Variants in PCDH15 observed in about 807,000 individuals in gnomAD.
PCDH15 encodes protocadherin-15.
PCDH15 carries 129 observed loss-of-function variants against 178.5 expected under a neutral mutation model. The observed-to-expected ratio is 0.72, with a 90% CI of 0.63 to 0.84. The LOEUF is 0.84. PCDH15 is among the 40% of genes least tolerant of loss of function. The pLI is 0.00. For synonymous variants in PCDH15, 800 were observed against 732.0 expected, an observed-to-expected ratio of 1.09 and a Z score of -1.50; for missense variants, 2,230 against 2,099.9, an observed-to-expected ratio of 1.06 and a Z score of -1.21.
intron 5 of PCDH15, among the ~76,000 whole-genome samples, chr10:54,347,817 C>T (rs1943548115): frequency 6.6e-6 from 1 of 152,006 alleles, no homozygotes; most frequent in South Asian, 2.1e-4. Flanking sequence ...TATAAAATAT[C>T]TTGATGCTAA....
Position 53,974,052 on chromosome 10 carries a change from C to T in PCDH15, c.2869-12160G>A, listed in dbSNP as rs972796271. Among the ~76,000 whole-genome samples the T allele has an allele frequency of 4.6e-5, 7 of 152,160 alleles. No individual in the cohort carries two copies. In the East Asian group the frequency reaches 9.6e-4, roughly 21 times the overall value. Reference sequence around the variant, plus strand: ...ATTTTTCTTGAGACAGAGTTTCACTCTGTCGTCCGGGCTGGAAGGCAGTGG... The same window carrying T: ...ATTTTTCTTGAGACAGAGTTTCACTTTGTCGTCCGGGCTGGAAGGCAGTGG... On this transcript the variant is annotated intron_variant, in intron 21 of 37. Coordinates refer to ENST00000644397, the MANE Select transcript of PCDH15 (RefSeq NM_001384140.1).
intron 1 of PCDH15, among the ~76,000 whole-genome samples, chr10:54,688,806 T>C (rs1388239437): frequency 6.6e-6 from 1 of 152,242 alleles, no homozygotes; most frequent in South Asian, 2.1e-4. Flanking sequence ...GTAAAATTCA[T>C]GAGGAAAATT....
At chr10:54,920,095 G>T (rs528123233) in intron 2 of PCDH15, among the ~76,000 whole-genome samples, 15 of 151,988 alleles carry the variant, frequency 9.9e-5, no homozygotes, top group African/African-American at 3.6e-4. Context: ...AATAATTTAC[G>T]TATCCATACT....
intron 20 of PCDH15, among the ~76,000 whole-genome samples, chr10:54,015,873 T>G (rs1045709505): frequency 5.3e-5 from 4 of 75,660 alleles, no homozygotes; most frequent in Non-Finnish European, 1.2e-4. Context: ...CAAAAGCAAT[T>G]TTAACAACAG....
At chr10:54,526,418 T>A (rs2083368611) in intron 3 of PCDH15, among the ~76,000 whole-genome samples, 9 of 152,224 alleles carry the variant, frequency 5.9e-5, no homozygotes, top group Admixed American at 5.9e-4. Context: ...GGTTAACTGT[T>A]TTCACTGTGG....
chr10:53,831,711 G>A (rs888977990), intron 29 of PCDH15, among the ~76,000 whole-genome samples, 178 bp from the exon 30 acceptor site: 2 of 151,588 alleles, frequency 1.3e-5, no homozygotes, highest in African/African-American at 4.8e-5. Context: ...AAGAAGAGGA[G>A]TAATTACACA....
chr10:54,778,558 T>C (rs1949949605), intron 1 of PCDH15, among the ~76,000 whole-genome samples: 1 of 152,150 alleles, frequency 6.6e-6, no homozygotes, highest in South Asian at 2.1e-4. Flanking sequence ...ATTTACACTT[T>C]TGTTTCTGGT....
At chr10:55,565,875 C>T (rs909363865) in intron 2 of PCDH15, among the ~76,000 whole-genome samples, 2 of 151,610 alleles carry the variant, frequency 1.3e-5, no homozygotes, top group Admixed American at 1.3e-4. Flanking sequence ...AAGCCCTGGA[C>T]CTGATGGCAT....
At chr10:54,708,919 A>G (rs2095397261) in intron 1 of PCDH15, among the ~76,000 whole-genome samples, 1 of 152,162 alleles carries the variant, frequency 6.6e-6, no homozygotes. Context: ...AGGAAACAAA[A>G]TATCAGAAGC....
intron 2 of PCDH15, among the ~76,000 whole-genome samples, chr10:55,114,000 G>T (rs568458448): frequency 6.6e-6 from 1 of 152,184 alleles, no homozygotes; most frequent in East Asian, 1.9e-4. Context: ...CCAGGCTGGA[G>T]TGCAGTGGCA....
intron 13 of PCDH15, among the ~76,000 whole-genome samples, chr10:54,161,116 G>C (rs549294350): frequency 6.5e-4 from 99 of 152,134 alleles, no homozygotes; most frequent in Non-Finnish European, 1.2e-3. Context: ...AATATTCACA[G>C]TCACATTAAA....
At chr10:54,125,681 A>G (rs1267072806) in intron 15 of PCDH15, among the ~76,000 whole-genome samples, 2 of 152,104 alleles carry the variant, frequency 1.3e-5, no homozygotes, top group Non-Finnish European at 2.9e-5. Context: ...TCTTTGACAT[A>G]GGAAAAGTTA....
intron 18 of PCDH15, among the ~76,000 whole-genome samples, chr10:54,046,091 G>T (rs991112304): frequency 6.6e-6 from 1 of 152,110 alleles, no homozygotes; most frequent in Admixed American, 6.6e-5. Flanking sequence ...TATATGAAAA[G>T]ATTCTCAATG....
At chr10:54,840,545 A>G (rs1298929412) in intron 3 of PCDH15, among the ~76,000 whole-genome samples, 1 of 151,900 alleles carries the variant, frequency 6.6e-6, no homozygotes, top group East Asian at 1.9e-4. Context: ...AGGAAGTATA[A>G]AACAGTCAAA....
At chr10:54,803,257 T>C (rs1386684697), upstream of PCDH15, among the ~76,000 whole-genome samples, 1 of 152,204 alleles carries the variant, frequency 6.6e-6, no homozygotes, top group Non-Finnish European at 1.5e-5. Flanking sequence ...TAAACACATA[T>C]AGGTTTAAAT....
chr10:55,097,787 T>C (rs911395754), intron 2 of PCDH15, among the ~76,000 whole-genome samples: 29 of 152,062 alleles, frequency 1.9e-4, no homozygotes, highest in Non-Finnish European at 3.5e-4. Flanking sequence ...CAGAAAATTA[T>C]CCTAAGTAGA....
intron 2 of PCDH15, among the ~76,000 whole-genome samples, chr10:55,523,452 A>T (rs1447456583): frequency 2.0e-5 from 3 of 151,800 alleles, no homozygotes; most frequent in African/African-American, 7.2e-5. Flanking sequence ...TGCATTCTTA[A>T]ATCAAGTAAA....
At chr10:54,770,002 A>G (rs1948915905) in intron 1 of PCDH15, among the ~76,000 whole-genome samples, 1 of 152,206 alleles carries the variant, frequency 6.6e-6, no homozygotes, top group South Asian at 2.1e-4. Flanking sequence ...TTCAAATTGA[A>G]TAAAATTAAA....
intron 6 of PCDH15, among the ~76,000 whole-genome samples, chr10:54,333,362 T>C (rs1342285): frequency 0.68 from 102,714 of 151,980 alleles, 35,446 homozygotes; most frequent in Middle Eastern, 0.82. Context: ...AAATTTAATT[T>C]ATTAATTAAG....
Sources: gnomAD v4.1 joint callset for allele counts (sites outside exome capture counted in the v4.1 genomes callset) on GRCh38, gnomAD v4.1.1 for gene constraint, MANE v1.5 for transcripts, NCBI Gene and HGNC (gene_info 2026-07-23, HGNC 2026-07-21) for gene names.